Variants in CTNND2 observed in about 807,000 individuals in gnomAD.
CTNND2 encodes catenin delta 2.
In CTNND2, 22 loss-of-function variants were observed where a neutral mutation model predicts 144.4. The observed-to-expected ratio is 0.15, with a 90% CI of 0.11 to 0.22. CTNND2 has a LOEUF of 0.22. Among genes scored for constraint, CTNND2 ranks in the 10% least tolerant of loss-of-function variants. The pLI is 1.00. For missense variants in CTNND2, 1,353 were observed against 1,618.8 expected (o/e 0.84, Z 2.82); for synonymous variants, 751 against 695.6 (o/e 1.08, Z -1.25).
chr5:11,228,741 A>C (rs1270302524), intron 10 of CTNND2, among the ~76,000 whole-genome samples: 1 of 151,966 alleles, frequency 6.6e-6, no homozygotes, highest in African/African-American at 2.4e-5. Flanking sequence ...CAGCCTCCAA[A>C]AGTGCTAGGA....
At chr5:11,631,890 C>G (rs574648800) in intron 2 of CTNND2, among the ~76,000 whole-genome samples, 5 of 152,268 alleles carry the variant, frequency 3.3e-5, no homozygotes, top group African/African-American at 1.2e-4. Context: ...AGACATGGGG[C>G]ATGTCCCGGA....
At chr5:11,663,246 C>T (rs1783374619) in intron 2 of CTNND2, among the ~76,000 whole-genome samples, 1 of 152,088 alleles carries the variant, frequency 6.6e-6, no homozygotes, top group African/African-American at 2.4e-5. Flanking sequence ...AATTAGATCA[C>T]CCTAATGTTC....
Position 11,412,073 on chromosome 5 carries a change from T to TA in CTNND2, c.288-5dup. ...CTGAAACTGCTCTTCTGCTGAACTGTAAAAAAGAAAATACAGAGATATAAT... is the reference window on the plus strand; with the variant it reads ...CTGAAACTGCTCTTCTGCTGAACTGTAAAAAAAGAAAATACAGAGATATAAT... On this transcript the variant is annotated splice_polypyrimidine_tract_variant and splice_region_variant and intron_variant, in intron 3 of 21. Transcript: ENST00000304623. The TA allele has an allele frequency of 6.2e-7, 1 of 1,609,300 alleles. No homozygotes were observed. The highest frequency in any genetic ancestry group is 8.5e-7 in the Non-Finnish European group (1 of 1,175,946).
At chr5:11,475,286 T>C (rs561260020) in intron 3 of CTNND2, among the ~76,000 whole-genome samples, 49 of 152,338 alleles carry the variant, frequency 3.2e-4, no homozygotes, top group Admixed American at 3.2e-3. Context: ...GCCAGGTTGC[T>C]AGGAATTTAA....
intron 1 of CTNND2, among the ~76,000 whole-genome samples, chr5:11,811,914 G>A (rs1241486674): frequency 2.6e-5 from 4 of 152,092 alleles, no homozygotes; most frequent in South Asian, 4.2e-4. Context: ...GCTTTATGAT[G>A]ATTTTTAAAG....
intron 13 of CTNND2, among the ~76,000 whole-genome samples, chr5:11,112,122 T>C (rs1753052451): frequency 6.6e-6 from 1 of 152,186 alleles, no homozygotes; most frequent in Admixed American, 6.5e-5. Flanking sequence ...GTGCTGGGAT[T>C]ACAGTCGTGA....
intron 7 of CTNND2, among the ~76,000 whole-genome samples, chr5:11,372,700 CA>C (rs1283442919): frequency 1.3e-5 from 2 of 152,120 alleles, no homozygotes; most frequent in Non-Finnish European, 2.9e-5. Context: ...TGGTGTTTTT[CA>C]AAATGCCACA....
At chr5:11,056,139 G>A (rs1436382853) in intron 16 of CTNND2, among the ~76,000 whole-genome samples, 1 of 152,198 alleles carries the variant, frequency 6.6e-6, no homozygotes, top group African/African-American at 2.4e-5. Flanking sequence ...AAAATTAGAA[G>A]TTTAAACAAT....
chr5:11,503,379 C>T lies in CTNND2; in HGVS notation c.287+61565G>A, dbSNP rs139537115. On this transcript the variant is annotated intron_variant, in intron 3 of 21. Transcript: ENST00000304623. Reference sequence around the variant, plus strand: ...ACTTCTTCTAGGCTATTATATTTAGCTTGGGAATCTTGTTCTCAATTGAAA... The same window carrying T: ...ACTTCTTCTAGGCTATTATATTTAGTTTGGGAATCTTGTTCTCAATTGAAA... Among the ~76,000 whole-genome samples the T allele has an allele frequency of 4.6e-4, 70 of 152,300 alleles. 1 individual carries two copies. The East Asian group carries it at 0.012, about 27-fold the overall frequency.
chr5:11,847,627 T>C (rs1012892998), intron 1 of CTNND2, among the ~76,000 whole-genome samples: 1 of 152,126 alleles, frequency 6.6e-6, no homozygotes, highest in Non-Finnish European at 1.5e-5. Flanking sequence ...TAGAAGATTT[T>C]GAATGTTGTC....
intron 1 of CTNND2, among the ~76,000 whole-genome samples, chr5:11,782,620 A>G (rs1351329056): frequency 6.6e-6 from 1 of 152,196 alleles, no homozygotes; most frequent in Non-Finnish European, 1.5e-5. Context: ...GTTACATTCC[A>G]CTACGACGAA....
chr5:11,741,934 G>C (rs1249525923), intron 1 of CTNND2, among the ~76,000 whole-genome samples: 1 of 151,664 alleles, frequency 6.6e-6, no homozygotes, highest in Non-Finnish European at 1.5e-5. Flanking sequence ...ATTATTCTAA[G>C]TGAAGTAACT....
chr5:11,549,453 C>T (rs1291730506), intron 3 of CTNND2, among the ~76,000 whole-genome samples: 1 of 152,126 alleles, frequency 6.6e-6, no homozygotes, highest in African/African-American at 2.4e-5. Flanking sequence ...CCCCAGCATC[C>T]ACTCACCCCC....
chr5:11,039,626 A>G (rs1343704736), intron 16 of CTNND2, among the ~76,000 whole-genome samples: 1 of 152,244 alleles, frequency 6.6e-6, no homozygotes, highest in African/African-American at 2.4e-5. Context: ...TTATTCAAAT[A>G]GAAAAAGAGA....
At position 11,879,120 on chromosome 5, in the gene CTNND2, T is replaced by C. The variant is rs964669084; in HGVS notation, c.37+24697A>G. Among the ~76,000 whole-genome samples the C allele has an allele frequency of 6.8e-4, 103 of 151,588 alleles. 1 individual carries two copies. Among genetic ancestry groups the C allele is most frequent in the Admixed American group, 6.7e-3 (102 of 15,210 alleles). ...TGCCAAGTGGCACCGCAGAACATGA[T>C]TGCAGCACCACGGAGCCCCAAGTAC... is the stretch of plus-strand genomic sequence containing the variant. On this transcript the variant is annotated intron_variant, in intron 1 of 21. Coordinates refer to ENST00000304623, the MANE Select transcript of CTNND2 (RefSeq NM_001332.4).
intron 10 of CTNND2, among the ~76,000 whole-genome samples, chr5:11,221,348 T>C (rs947064606): frequency 6.6e-6 from 1 of 152,214 alleles, no homozygotes; most frequent in African/African-American, 2.4e-5. Context: ...ATTTCCAAGA[T>C]GGCACATGTA....
intron 1 of CTNND2, among the ~76,000 whole-genome samples, chr5:11,877,243 TTTCA>T (rs1221081332): frequency 6.6e-6 from 1 of 152,162 alleles, no homozygotes; most frequent in Non-Finnish European, 1.5e-5. Flanking sequence ...TTCATCTTTC[TTTCA>T]TTTTACTCCA....
intron 9 of CTNND2, among the ~76,000 whole-genome samples, chr5:11,331,656 T>A (rs1011246457): frequency 1.3e-5 from 2 of 152,174 alleles, no homozygotes; most frequent in Non-Finnish European, 2.9e-5. Context: ...AACATATTTG[T>A]TGAGTGAATG....
intron 3 of CTNND2, among the ~76,000 whole-genome samples, chr5:11,557,273 G>A (rs904427598): frequency 6.6e-6 from 1 of 152,106 alleles, no homozygotes; most frequent in African/African-American, 2.4e-5. Flanking sequence ...GACTTGGCAG[G>A]CAAGTCAGAC....
Sources: gnomAD v4.1 joint callset for allele counts (sites outside exome capture counted in the v4.1 genomes callset) on GRCh38, gnomAD v4.1.1 for gene constraint, MANE v1.5 for transcripts, NCBI Gene and HGNC (gene_info 2026-07-23, HGNC 2026-07-21) for gene names.